The following NCOA3 variants were observed in gnomAD, a reference collection of about 807,000 sequenced individuals.
The protein encoded by NCOA3 is CBP-interacting protein.
A neutral mutation model predicts 158.8 loss-of-function variants in NCOA3; 51 were observed. That is an observed-to-expected ratio of 0.32 (90% CI 0.26 to 0.41). The LOEUF is 0.41. NCOA3 is among the 10% of genes least tolerant of loss of function. The probability of loss-of-function intolerance (pLI) is 1.00; values close to 1 mark genes in which losing one functional copy is unlikely to be tolerated. For missense variants in NCOA3, 1,510 were observed against 1,746.6 expected, an observed-to-expected ratio of 0.86 and a Z score of 2.41; for synonymous variants, 537 against 592.4, an observed-to-expected ratio of 0.91 and a Z score of 1.36.
At chr20:47,625,256 ATGTTT>A in intron 4 of NCOA3, 120 bp from the exon 5 acceptor site, 1 of 619,054 alleles carries the variant, frequency 1.6e-6, no homozygotes, top group African/African-American at 1.8e-5. Context: ...TTATGAGGAA[ATGTTT>A]TGTATGTATG....
At chr20:47,623,279 GTTC>G (rs1485822592) in intron 3 of NCOA3, among the ~76,000 whole-genome samples, 5 of 152,056 alleles carry the variant, frequency 3.3e-5, no homozygotes, top group African/African-American at 1.2e-4. Context: ...CACTGTTTTT[GTTC>G]TTATTTGTTA....
intron 1 of NCOA3, among the ~76,000 whole-genome samples, chr20:47,519,119 G>A (rs1437560793): frequency 1.3e-5 from 2 of 148,716 alleles, no homozygotes; most frequent in Non-Finnish European, 3.0e-5. Context: ...CTGGGTGACA[G>A]AGCGAGACTC....
chr20:47,639,015 A>AC lies in NCOA3; in HGVS notation c.2520_2521insC (p.Ser841GlnfsTer13). On this transcript the variant is annotated frameshift_variant, in exon 14 of 23. Coordinates refer to ENST00000371998, the MANE Select transcript of NCOA3 (RefSeq NM_181659.3). LOFTEE classifies it high-confidence loss of function. Reference sequence around the variant, plus strand: ...GTATTGTGTTTTCAACAGGTTTGAAAAGTTCACAGTCTGTGCAGTCTATTC... The same window carrying AC: ...GTATTGTGTTTTCAACAGGTTTGAAACAGTTCACAGTCTGTGCAGTCTATTC... 1 of 1,591,822 alleles carries AC rather than the reference A, an allele frequency of 6.3e-7. No homozygotes were observed. The highest frequency in any genetic ancestry group is 8.6e-7 in the Non-Finnish European group (1 of 1,168,994).
chr20:47,563,405 T>C (rs1034789683), intron 1 of NCOA3, among the ~76,000 whole-genome samples: 3 of 152,254 alleles, frequency 2.0e-5, no homozygotes, highest in South Asian at 2.1e-4. Flanking sequence ...GAGATGCATA[T>C]GTAGAAGGAA....
At chr20:47,566,307 A>G (rs1438207184) in intron 1 of NCOA3, among the ~76,000 whole-genome samples, 2 of 152,146 alleles carry the variant, frequency 1.3e-5, no homozygotes, top group African/African-American at 4.8e-5. Flanking sequence ...GCTTGGGGCT[A>G]TTGGACATAA....
At chr20:47,527,368 CT>C (rs1041296739) in intron 1 of NCOA3, among the ~76,000 whole-genome samples, 5 of 151,946 alleles carry the variant, frequency 3.3e-5, no homozygotes, top group East Asian at 1.9e-4. Context: ...GTGTCAGCTT[CT>C]TTTTTTTCTT....
At position 47,612,564 on chromosome 20, in the gene NCOA3, T is replaced by G. The variant is rs1270037415; in HGVS notation, c.-19-9665T>G. ...AAATAAAGGAAATGTTTCAGTTACC[T>G]TTATTAAAAACTTTTAGTATAAAGA... is the stretch of plus-strand genomic sequence containing the variant. On this transcript the variant is annotated intron_variant, in intron 2 of 22. Coordinates refer to ENST00000371998, the MANE Select transcript of NCOA3 (RefSeq NM_181659.3). 2.0e-5 allele frequency among the ~76,000 whole-genome samples: 3 copies of G among 152,220 alleles called. No individual in the cohort carries two copies. In the East Asian group the frequency reaches 5.8e-4, roughly 29 times the overall value.
rs113056025 is a variant in NCOA3 at position 47,559,697 on chromosome 20, A to G, written c.-98-23486A>G. ...GGAGTTCGAGACCAGTCTGGCCAAC[A>G]TGGTGAAACCCCGTCTCTACTAAAA... On this transcript the variant is annotated intron_variant, in intron 1 of 22. Coordinates refer to ENST00000371998, the MANE Select transcript of NCOA3 (RefSeq NM_181659.3). 5.9e-5 allele frequency among the ~76,000 whole-genome samples: 9 copies of G among 152,234 alleles called. 3 individuals carry two copies. Among genetic ancestry groups the G allele is most frequent in the African/African-American group, 2.2e-4 (9 of 41,568 alleles).
chr20:47,566,858 C>T (rs2085202673), intron 1 of NCOA3, among the ~76,000 whole-genome samples: 1 of 151,792 alleles, frequency 6.6e-6, no homozygotes, highest in Non-Finnish European at 1.5e-5. Flanking sequence ...GTGGCGTGTA[C>T]CTGTAGTCCT....
rs1337879968 is a variant in NCOA3 at position 47,570,937 on chromosome 20, TATACACAC to T, written c.-98-12244_-98-12237del. Among the ~76,000 whole-genome samples, 30 of 111,762 alleles carry T rather than the reference TATACACAC, an allele frequency of 2.7e-4. 1 individual carries two copies. In the East Asian group the frequency reaches 5.1e-3, roughly 19 times the overall value. 73.3% of individuals were successfully genotyped at this position (111,762 alleles called of 152,430 possible). On this transcript the variant is annotated intron_variant, in intron 1 of 22. Coordinates refer to ENST00000371998, the MANE Select transcript of NCOA3 (RefSeq NM_181659.3). ...TGCACCGTTAATGAGCAGTAATATA[TATACACAC>T]ACACACACACACACACACACACACA...
chr20:47,527,904 CCTTTCCTTTTT>C (rs1442674995), intron 1 of NCOA3, among the ~76,000 whole-genome samples: 3 of 152,096 alleles, frequency 2.0e-5, no homozygotes, highest in Non-Finnish European at 2.9e-5. Flanking sequence ...GCCTCCTTTT[CCTTTCCTTTTT>C]CTTTTCTCCT....
At chr20:47,614,788 C>T (rs762013229) in intron 2 of NCOA3, among the ~76,000 whole-genome samples, 23 of 152,188 alleles carry the variant, frequency 1.5e-4, no homozygotes, top group South Asian at 6.2e-4. Context: ...TTAGTGACAT[C>T]GGTGGGTAAT....
At chr20:47,537,156 G>T (rs1394115167) in intron 1 of NCOA3, among the ~76,000 whole-genome samples, 1 of 152,030 alleles carries the variant, frequency 6.6e-6, no homozygotes, top group Non-Finnish European at 1.5e-5. Context: ...GATGCTGTCT[G>T]GTTTAGAGGA....
intron 1 of NCOA3, among the ~76,000 whole-genome samples, chr20:47,568,328 A>G (rs6012212): frequency 4.6e-5 from 7 of 152,214 alleles, no homozygotes; most frequent in African/African-American, 1.4e-4. Context: ...AATAGTTCAC[A>G]TGGTAGAAGA....
chr20:47,653,184 A>C (rs867387552), intron 22 of NCOA3, 112 bp downstream of exon 22: 2 of 1,331,786 alleles, frequency 1.5e-6, no homozygotes, highest in Non-Finnish European at 2.0e-6. Context: ...TGAATGTATA[A>C]CTTAAAATAT....
intron 17 of NCOA3, 65 bp from the exon 18 acceptor site, chr20:47,647,008 A>C: frequency 6.8e-7 from 1 of 1,476,962 alleles, no homozygotes; most frequent in Non-Finnish European, 9.2e-7. Flanking sequence ...CACTTTCTTT[A>C]GAGCATTTGA....
At chr20:47,626,638 A>G (rs1276499497) in intron 5 of NCOA3, among the ~76,000 whole-genome samples, 1 of 152,184 alleles carries the variant, frequency 6.6e-6, no homozygotes, top group African/African-American at 2.4e-5. Context: ...TGCTGATACT[A>G]CCATAACAAA....
intron 8 of NCOA3, among the ~76,000 whole-genome samples, chr20:47,628,984 T>G (rs2086370165): frequency 1.3e-5 from 2 of 152,174 alleles, no homozygotes; most frequent in South Asian, 4.1e-4. Context: ...TCATGGCTAA[T>G]AAGAAAATTT....
chr20:47,574,345 T>C (rs147078219), intron 1 of NCOA3, among the ~76,000 whole-genome samples: 1 of 149,780 alleles, frequency 6.7e-6, no homozygotes, highest in African/African-American at 2.5e-5. Context: ...ACCTGGTATT[T>C]TATCAATGAA....
Sources: allele counts gnomAD v4.1 joint callset (sites outside exome capture counted in the v4.1 genomes callset), GRCh38; gene constraint gnomAD v4.1.1; transcripts MANE v1.5; gene names NCBI Gene and HGNC (gene_info 2026-07-23, HGNC 2026-07-21).